Variants in SLC27A2 observed in about 807,000 individuals in gnomAD.
SLC27A2 encodes the protein long-chain fatty acid transport protein 2.
Under a neutral mutation model 60.0 loss-of-function variants are expected in SLC27A2, and 54 were observed. The observed-to-expected ratio is 0.90, with a 90% CI of 0.72 to 1.13. The LOEUF is 1.13. Among genes scored for constraint, SLC27A2 ranks in the 50% most tolerant of loss-of-function variants. The probability of loss-of-function intolerance (pLI) is 0.00; values close to 1 mark genes in which losing one functional copy is unlikely to be tolerated. For synonymous variants in SLC27A2, 297 were observed against 297.6 expected (o/e 1.00, Z 0.02); for missense variants, 739 against 777.6 (o/e 0.95, Z 0.59).
Position 50,222,969 on chromosome 15 carries a change from C to T in SLC27A2, c.977C>T (p.Pro326Leu). ...CCTTCTTCTCCCCCACCACAGAAAC[C>T]AAATGACCGTGATCATAAAGTGAGA... ...LRYLCNSPQK[P>L]NDRDHKVRLA... The change falls in exon 5 of 10, where the codon CCA (proline) becomes CTA (leucine). Residue 326 changes from proline to leucine, a missense_variant. Coordinates refer to ENST00000267842, the MANE Select transcript of SLC27A2 (RefSeq NM_003645.4). 6.2e-7 allele frequency: 1 copy of T among 1,604,562 alleles called. No homozygotes were observed. Among genetic ancestry groups the T allele is most frequent in the South Asian group, 1.1e-5 (1 of 89,330 alleles).
At chr15:50,200,715 C>T (rs1332196137) in intron 2 of SLC27A2, among the ~76,000 whole-genome samples, 2 of 152,166 alleles carry the variant, frequency 1.3e-5, no homozygotes, top group African/African-American at 4.8e-5. Flanking sequence ...ACTGTTCTTC[C>T]ATGGGAAACA....
intron 1 of SLC27A2, among the ~76,000 whole-genome samples, chr15:50,194,076 G>A (rs66472276): frequency 0.12 from 17,594 of 152,086 alleles, 1,043 homozygotes; most frequent in Middle Eastern, 0.14. Flanking sequence ...AGCCCAGGAG[G>A]TTGACGCTGC....
chr15:50,190,734 A>G (rs2044966389), intron 1 of SLC27A2, among the ~76,000 whole-genome samples: 1 of 152,032 alleles, frequency 6.6e-6, no homozygotes, highest in Non-Finnish European at 1.5e-5. Flanking sequence ...TGATTTTTCA[A>G]CACCCAAGTG....
At chr15:50,200,954 T>A (rs142458810) in intron 2 of SLC27A2, among the ~76,000 whole-genome samples, 1 of 152,220 alleles carries the variant, frequency 6.6e-6, no homozygotes, top group Non-Finnish European at 1.5e-5. Flanking sequence ...ACAGCCCTTA[T>A]AACTGGCAAT....
intron 4 of SLC27A2, among the ~76,000 whole-genome samples, chr15:50,218,066 A>G (rs2045214043): frequency 6.8e-6 from 1 of 146,832 alleles, no homozygotes; most frequent in African/African-American, 2.5e-5. Context: ...GTCTCAAAAA[A>G]AAAAAAAAAA....
In SLC27A2 at chr15:50,196,066, AAAAAAAAAAAAATATATATATATATATAT is replaced by A. The variant is rs1161440764; in HGVS notation, c.479-1432_479-1404del. On this transcript the variant is annotated intron_variant, in intron 1 of 9. Transcript: ENST00000267842. ...CAGACTCTGTCTCAAAAAAAAAAAA[AAAAAAAAAAAAATATATATATATATATAT>A]ATATATATATATATATATATATATA... 8.4e-5 allele frequency among the ~76,000 whole-genome samples: 2 copies of A among 23,772 alleles called. 1 individual carries two copies. The highest frequency in any genetic ancestry group is 2.5e-4 in the African/African-American group (2 of 7,906). 15.6% of individuals were successfully genotyped at this position (23,772 alleles called of 152,430 possible).
At chr15:50,187,236 C>T (rs141361797) in intron 1 of SLC27A2, among the ~76,000 whole-genome samples, 5 of 152,300 alleles carry the variant, frequency 3.3e-5, no homozygotes, top group African/African-American at 7.2e-5. Flanking sequence ...ATTTCAGGAT[C>T]GTTCTCCAGG....
At chr15:50,210,758 C>T (rs1275228154) in intron 4 of SLC27A2, among the ~76,000 whole-genome samples, 2 of 152,182 alleles carry the variant, frequency 1.3e-5, no homozygotes, top group South Asian at 4.1e-4. Flanking sequence ...AAGCCTGACT[C>T]GCCCTCCACC....
At chr15:50,225,816 T>C (rs1233743227) in intron 5 of SLC27A2, among the ~76,000 whole-genome samples, 172 bp from the exon 6 acceptor site, 3 of 152,238 alleles carry the variant, frequency 2.0e-5, no homozygotes, top group Non-Finnish European at 4.4e-5. Context: ...GAGGAAACTT[T>C]CTAGGTGAAA....
intron 4 of SLC27A2, among the ~76,000 whole-genome samples, chr15:50,217,574 G>A (rs1376852731): frequency 6.6e-6 from 1 of 152,024 alleles, no homozygotes; most frequent in Non-Finnish European, 1.5e-5. Flanking sequence ...ATTGGACATG[G>A]GCTCACTGCC....
intron 4 of SLC27A2, among the ~76,000 whole-genome samples, chr15:50,206,180 A>C (rs933453286): frequency 2.0e-5 from 3 of 151,752 alleles, no homozygotes; most frequent in African/African-American, 7.3e-5. Context: ...AGTGTTTAGC[A>C]CCCTTTGGAC....
In SLC27A2 at chr15:50,196,074, AAAAATATATATATATATATATATAT is replaced by A. The variant is rs1344189670; in HGVS notation, c.479-1424_479-1400del. ...GTCTCAAAAAAAAAAAAAAAAAAAA[AAAAATATATATATATATATATATAT>A]ATATATATATATATATATATATATA... On this transcript the variant is annotated intron_variant, in intron 1 of 9. Coordinates refer to ENST00000267842, the MANE Select transcript of SLC27A2 (RefSeq NM_003645.4). Among the ~76,000 whole-genome samples the A allele has an allele frequency of 4.7e-3, 77 of 16,302 alleles. 10 individuals are homozygous for A. The highest frequency in any genetic ancestry group is 0.015 in the African/African-American group (72 of 4,780). The allele number at this position is 16,302 out of a possible 152,430, so 10.7% of individuals were successfully genotyped here. A position where few individuals can be genotyped will look rare whatever the true frequency, so the allele number is the denominator to read the frequency against.
chr15:50,222,521 C>T (rs1389951348), intron 4 of SLC27A2, among the ~76,000 whole-genome samples: 7 of 152,146 alleles, frequency 4.6e-5, no homozygotes, highest in Non-Finnish European at 5.9e-5. Flanking sequence ...AGATTGTGCC[C>T]ATCTCTGACA....
At chr15:50,194,213 G>T (rs2044996503) in intron 1 of SLC27A2, among the ~76,000 whole-genome samples, 1 of 152,076 alleles carries the variant, frequency 6.6e-6, no homozygotes, top group African/African-American at 2.4e-5. Flanking sequence ...GTAAATACGG[G>T]CTCCTATGGG....
At chr15:50,229,969 C>A in intron 8 of SLC27A2, among the ~76,000 whole-genome samples, 1 of 152,152 alleles carries the variant, frequency 6.6e-6, no homozygotes, top group East Asian at 1.9e-4. Flanking sequence ...AGCATGGTGG[C>A]TCACTCCTGT....
intron 7 of SLC27A2, among the ~76,000 whole-genome samples, chr15:50,228,033 C>G (rs1035721083): frequency 6.6e-6 from 1 of 152,134 alleles, no homozygotes; most frequent in Non-Finnish European, 1.5e-5. Context: ...AGATCCATAT[C>G]ACTTTATGCC....
Position 50,230,007 on chromosome 15 carries a change from G to A in SLC27A2, c.1555+965G>A, listed in dbSNP as rs143913969. 9.4e-3 allele frequency among the ~76,000 whole-genome samples: 1,424 copies of A among 152,116 alleles called. 21 individuals are homozygous for A. Among genetic ancestry groups the A allele is most frequent in the African/African-American group, 0.033 (1,364 of 41,484 alleles). On this transcript the variant is annotated intron_variant, in intron 8 of 9. Coordinates refer to ENST00000267842, the MANE Select transcript of SLC27A2 (RefSeq NM_003645.4). The stretch of plus-strand genomic sequence containing the variant: ...TCCCAGCACTTTGGGAGGCCGAGAC[G>A]GGCAGATCATGAGGTCAGGAGATCG...
At chr15:50,203,870 G>A (rs2045086204) in intron 3 of SLC27A2, among the ~76,000 whole-genome samples, 1 of 152,036 alleles carries the variant, frequency 6.6e-6, no homozygotes, top group Non-Finnish European at 1.5e-5. Context: ...AAGGACACAG[G>A]GAGATGATGA....
intron 1 of SLC27A2, among the ~76,000 whole-genome samples, chr15:50,184,539 G>A (rs538904417): frequency 6.6e-6 from 1 of 152,140 alleles, no homozygotes; most frequent in East Asian, 1.9e-4. Flanking sequence ...TTTAAAAGCA[G>A]AAAGCCAAAT....
Sources: allele counts gnomAD v4.1 joint callset (sites outside exome capture counted in the v4.1 genomes callset), GRCh38; gene constraint gnomAD v4.1.1; transcripts MANE v1.5; gene names NCBI Gene and HGNC (gene_info 2026-07-23, HGNC 2026-07-21).